The following GNA14 variants were observed in gnomAD, a reference collection of about 807,000 sequenced individuals.
GNA14 encodes G protein subunit alpha 14.
GNA14 carries 50 observed loss-of-function variants against 42.0 expected under a neutral mutation model. That is an observed-to-expected ratio of 1.19 (90% CI 0.95 to 1.51). GNA14 has a LOEUF of 1.51. Ranked by LOEUF, GNA14 falls within the 40% of genes most tolerant of loss-of-function variation. GNA14 has a pLI of 0.00. For synonymous variants in GNA14, 173 were observed against 163.1 expected, an observed-to-expected ratio of 1.06 and a Z score of -0.46; for missense variants, 473 against 446.2, an observed-to-expected ratio of 1.06 and a Z score of -0.54.
At position 77,425,632 on chromosome 9, in the gene GNA14, CAAG is replaced by C. The variant is rs778198432; in HGVS notation, c.804_806del (p.Phe268del). On this transcript the variant is annotated inframe_deletion, in exon 6 of 7. Coordinates refer to ENST00000341700, the MANE Select transcript of GNA14 (RefSeq NM_004297.4). ...TCTCTTCCAAAAGATCCTTCTTGTT[CAAG>C]AATAAAATCACAGACGAATTCAGAA... The C allele has an allele frequency of 1.2e-6, 2 of 1,608,728 alleles. No homozygotes were observed. Among genetic ancestry groups the C allele is most frequent in the African/African-American group, 2.7e-5 (2 of 74,766 alleles).
chr9:77,450,816 A>C (rs1246918213), intron 2 of GNA14, among the ~76,000 whole-genome samples: 1 of 151,986 alleles, frequency 6.6e-6, no homozygotes, highest in Non-Finnish European at 1.5e-5. Flanking sequence ...TAATTGAATC[A>C]TGGGGGTGGG....
At chr9:77,511,930 C>T (rs557785911) in intron 2 of GNA14, among the ~76,000 whole-genome samples, 19 of 152,296 alleles carry the variant, frequency 1.2e-4, no homozygotes, top group African/African-American at 4.6e-4. Context: ...GGTAGACCCT[C>T]GATAACTGTT....
intron 2 of GNA14, among the ~76,000 whole-genome samples, chr9:77,475,079 T>C (rs1434540173): frequency 6.6e-6 from 1 of 150,984 alleles, no homozygotes; most frequent in Non-Finnish European, 1.5e-5. Flanking sequence ...ACACCCAAGT[T>C]GGCTGGCAGC....
chr9:77,444,480 C>T (rs1407654091), intron 2 of GNA14, among the ~76,000 whole-genome samples: 2 of 152,204 alleles, frequency 1.3e-5, no homozygotes, highest in African/African-American at 2.4e-5. Context: ...GCAGGTTCCA[C>T]TTCATCCCCC....
chr9:77,482,326 TAAAAG>T (rs1160648946), intron 2 of GNA14, among the ~76,000 whole-genome samples: 1 of 152,214 alleles, frequency 6.6e-6, no homozygotes, highest in African/African-American at 2.4e-5. Context: ...TTTGGCTGGA[TAAAAG>T]AAAAGAATTC....
chr9:77,499,271 G>C (rs954614189), intron 2 of GNA14, among the ~76,000 whole-genome samples: 1 of 151,814 alleles, frequency 6.6e-6, no homozygotes, highest in African/African-American at 2.4e-5. Context: ...GATTATGAAA[G>C]TTCACTGTAG....
intron 2 of GNA14, among the ~76,000 whole-genome samples, chr9:77,453,884 G>A (rs1235570622): frequency 6.6e-6 from 1 of 152,190 alleles, no homozygotes; most frequent in African/African-American, 2.4e-5. Flanking sequence ...ATAGTTCAAT[G>A]GCAACTGGGG....
chr9:77,610,316 C>T (rs1487222614), intron 1 of GNA14, among the ~76,000 whole-genome samples: 2 of 152,186 alleles, frequency 1.3e-5, no homozygotes, highest in African/African-American at 2.4e-5. Flanking sequence ...TGTGTGCTTG[C>T]ACATTAACAA....
chr9:77,491,460 T>C (rs1836773923), intron 2 of GNA14, among the ~76,000 whole-genome samples: 1 of 152,086 alleles, frequency 6.6e-6, no homozygotes, highest in Admixed American at 6.5e-5. Context: ...AGTAAAGGAA[T>C]GGGTAAAGAA....
chr9:77,424,458 G>T (rs534522693), intron 6 of GNA14, among the ~76,000 whole-genome samples: 1 of 152,192 alleles, frequency 6.6e-6, no homozygotes, highest in South Asian at 2.1e-4. Flanking sequence ...CCTGACCTTA[G>T]GTGATCCACC....
chr9:77,647,707 C>G lies in GNA14; in HGVS notation c.87G>C (p.Lys29Asn). The change falls in exon 1 of 7, where the codon AAG becomes AAC. Residue 29 changes from lysine (K) to asparagine (N), a missense_variant. Physicochemically the swap from Lys to Asn is moderately conservative, Grantham distance 94. Transcript: ENST00000341700. ...GCTTAAGCTCACGGCGCGCGTCCTT[C>G]TTGTCCCGACGAAGCTGTCGCTCGA... ...AEIERQLRRD[K>N]KDARRELKLL... 1 of 1,610,300 alleles carries G rather than the reference C, an allele frequency of 6.2e-7. No individual in the cohort carries two copies. Among genetic ancestry groups the G allele is most frequent in the Non-Finnish European group, 8.5e-7 (1 of 1,178,654 alleles).
intron 5 of GNA14, among the ~76,000 whole-genome samples, chr9:77,427,648 G>A (rs1282360415): frequency 6.6e-6 from 1 of 152,256 alleles, no homozygotes; most frequent in East Asian, 1.9e-4. Flanking sequence ...TCCCCAACCT[G>A]ACAGAGAAGT....
At position 77,498,377 on chromosome 9, in the gene GNA14, A is replaced by AC. The variant is rs1336662008; in HGVS notation, c.309+30691_309+30692insG. ...AACAAGAGCAAAAGTCTGTCTCAAA[A>AC]AAAAAAAAAAAGAAAAAAAAGAAAA... is the stretch of plus-strand genomic sequence containing the variant. On this transcript the variant is annotated intron_variant, in intron 2 of 6. Coordinates refer to ENST00000341700, the MANE Select transcript of GNA14 (RefSeq NM_004297.4). 1.4e-3 allele frequency among the ~76,000 whole-genome samples: 171 copies of AC among 124,972 alleles called. 1 individual carries two copies. The highest frequency in any genetic ancestry group is 4.8e-3 in the African/African-American group (159 of 33,190). The allele number at this position is 124,972 out of a possible 152,430, so 82.0% of individuals were successfully genotyped here.
chr9:77,491,244 T>C (rs1255371375), intron 2 of GNA14, among the ~76,000 whole-genome samples: 1 of 152,164 alleles, frequency 6.6e-6, no homozygotes, highest in African/African-American at 2.4e-5. Flanking sequence ...AATGCTAACA[T>C]GCAAAAAGGA....
intron 1 of GNA14, among the ~76,000 whole-genome samples, chr9:77,541,730 T>C (rs1271703053): frequency 3.3e-5 from 5 of 151,052 alleles, no homozygotes; most frequent in Admixed American, 3.3e-4. Context: ...TTGCACTTTC[T>C]TTTTTCTTTT....
intron 2 of GNA14, among the ~76,000 whole-genome samples, chr9:77,451,303 C>T (rs929903241): frequency 2.0e-5 from 3 of 152,110 alleles, no homozygotes; most frequent in African/African-American, 7.2e-5. Flanking sequence ...AGCTAAAGAA[C>T]GTATTTTTTA....
intron 2 of GNA14, among the ~76,000 whole-genome samples, chr9:77,524,394 A>C (rs913040617): frequency 6.6e-6 from 1 of 152,248 alleles, no homozygotes; most frequent in Non-Finnish European, 1.5e-5. Context: ...AACCACTTTA[A>C]ATTCTCTTCT....
At chr9:77,632,923 G>A (rs1392368355) in intron 1 of GNA14, among the ~76,000 whole-genome samples, 1 of 152,166 alleles carries the variant, frequency 6.6e-6, no homozygotes, top group East Asian at 1.9e-4. Flanking sequence ...AGCAAAACAA[G>A]CTCAATGGGC....
chr9:77,618,217 T>C (rs1035547799), intron 1 of GNA14, among the ~76,000 whole-genome samples: 1 of 152,150 alleles, frequency 6.6e-6, no homozygotes, highest in Non-Finnish European at 1.5e-5. Flanking sequence ...ACACATTCTC[T>C]TGACACTGCT....
Sources: allele counts gnomAD v4.1 joint callset (sites outside exome capture counted in the v4.1 genomes callset), GRCh38; gene constraint gnomAD v4.1.1; transcripts MANE v1.5; gene names NCBI Gene and HGNC (gene_info 2026-07-23, HGNC 2026-07-21).